Variants in CPQ observed in about 807,000 individuals in gnomAD.
The protein encoded by CPQ is Ser-Met dipeptidase.
In CPQ, 37 loss-of-function variants were observed where a neutral mutation model predicts 45.7. The observed-to-expected ratio is 0.81, with a 90% confidence interval of 0.62 to 1.07. The LOEUF (loss-of-function observed/expected upper bound fraction) is 1.07, where lower values mean the gene tolerates loss of function less well. Among genes scored for constraint, CPQ ranks in the 50% least tolerant of loss-of-function variants. The pLI is 0.00. For synonymous variants in CPQ, 186 were observed against 205.8 expected, an observed-to-expected ratio of 0.90 and a Z score of 0.82; for missense variants, 537 against 572.9, an observed-to-expected ratio of 0.94 and a Z score of 0.64.
chr8:96,955,782 C>A (rs1813346833), intron 4 of CPQ, among the ~76,000 whole-genome samples: 4 of 152,136 alleles, frequency 2.6e-5, no homozygotes, highest in Admixed American at 1.3e-4. Context: ...GAAAGGATTC[C>A]CTATTTAATG....
At chr8:96,868,719 T>C (rs957754242) in intron 3 of CPQ, among the ~76,000 whole-genome samples, 1 of 152,132 alleles carries the variant, frequency 6.6e-6, no homozygotes, top group South Asian at 2.1e-4. Context: ...ATATTTCCTC[T>C]ATTCCCTGTG....
chr8:96,678,863 A>G (rs1248640875), intron 1 of CPQ, among the ~76,000 whole-genome samples: 1 of 148,360 alleles, frequency 6.7e-6, no homozygotes, highest in African/African-American at 2.5e-5. Context: ...CTCATACTGC[A>G]GGTTGTCTCT....
chr8:96,778,023 C>T (rs1013398604), intron 1 of CPQ, among the ~76,000 whole-genome samples: 13 of 150,674 alleles, frequency 8.6e-5, no homozygotes, highest in Non-Finnish European at 1.8e-4. Context: ...CCACCGTGCC[C>T]GGCCAGGAAA....
At chr8:96,977,024 C>T (rs1386182378) in intron 5 of CPQ, among the ~76,000 whole-genome samples, 3 of 152,108 alleles carry the variant, frequency 2.0e-5, no homozygotes, top group Non-Finnish European at 4.4e-5. Context: ...TAAAAAGCTT[C>T]TGCACAACAA....
At chr8:96,648,421 C>CATTT (rs913209479) in intron 1 of CPQ, among the ~76,000 whole-genome samples, 7 of 152,194 alleles carry the variant, frequency 4.6e-5, no homozygotes, top group Non-Finnish European at 7.3e-5. Context: ...ACAAACAACC[C>CATTT]ATTCATGTGT....
chr8:96,728,760 A>G (rs1032774341), intron 1 of CPQ, among the ~76,000 whole-genome samples: 3 of 152,112 alleles, frequency 2.0e-5, no homozygotes, highest in African/African-American at 7.2e-5. Flanking sequence ...ATTATGGGTA[A>G]GGTCTGAGAT....
chr8:96,774,287 T>C (rs1810580307), intron 1 of CPQ, among the ~76,000 whole-genome samples: 1 of 149,780 alleles, frequency 6.7e-6, no homozygotes, highest in Non-Finnish European at 1.5e-5. Flanking sequence ...AAAAAAAAAG[T>C]TTCAACATGA....
chr8:97,141,122 T>C (rs1471458916), intron 7 of CPQ, among the ~76,000 whole-genome samples: 2 of 152,128 alleles, frequency 1.3e-5, no homozygotes, highest in South Asian at 2.1e-4. Context: ...ATCTTTGTAA[T>C]ATTAGGGTAA....
chr8:96,862,800 T>C (rs1381435535), intron 3 of CPQ, among the ~76,000 whole-genome samples: 1 of 152,074 alleles, frequency 6.6e-6, no homozygotes, highest in Non-Finnish European at 1.5e-5. Flanking sequence ...TATGTGACGA[T>C]GTTCTGGCCA....
intron 5 of CPQ, among the ~76,000 whole-genome samples, chr8:97,003,983 T>C (rs912890697): frequency 3.3e-5 from 5 of 152,196 alleles, no homozygotes; most frequent in Non-Finnish European, 7.4e-5. Context: ...ACCTTACAGA[T>C]GGAATTACAT....
intron 1 of CPQ, among the ~76,000 whole-genome samples, chr8:96,784,510 AC>A (rs1379851167): frequency 6.6e-6 from 1 of 151,984 alleles, no homozygotes; most frequent in Non-Finnish European, 1.5e-5. Context: ...GAGCAAGGAC[AC>A]CCATTTGGAT....
chr8:96,763,625 C>G (rs909949356), intron 1 of CPQ, among the ~76,000 whole-genome samples: 1 of 151,918 alleles, frequency 6.6e-6, no homozygotes, highest in South Asian at 2.1e-4. Flanking sequence ...ACATACACAT[C>G]TGCAAAAAGT....
At chr8:97,081,013 T>C (rs1810940723) in intron 7 of CPQ, among the ~76,000 whole-genome samples, 1 of 151,874 alleles carries the variant, frequency 6.6e-6, no homozygotes, top group Non-Finnish European at 1.5e-5. Flanking sequence ...AATAGTATCT[T>C]ATGTAGAAAC....
At chr8:96,793,977 G>A (rs1205009525) in intron 2 of CPQ, among the ~76,000 whole-genome samples, 1 of 152,074 alleles carries the variant, frequency 6.6e-6, no homozygotes, top group African/African-American at 2.4e-5. Flanking sequence ...ATCCTTCCAG[G>A]CTGCTTTCAT....
rs117513499 is a variant in CPQ at position 97,011,888 on chromosome 8, T to G, written c.962-17515T>G. On this transcript the variant is annotated intron_variant, in intron 5 of 7. Transcript: ENST00000220763. ...TATGCCATTACTCTCATCCAATCCTTTCCTTTATTAGCTTTCTTCCCTAGC... is the reference window on the plus strand; with the variant it reads ...TATGCCATTACTCTCATCCAATCCTGTCCTTTATTAGCTTTCTTCCCTAGC... Among the ~76,000 whole-genome samples, 19 of 152,084 alleles carry G rather than the reference T, an allele frequency of 1.2e-4. 1 individual carries two copies. The highest frequency in any genetic ancestry group is 4.6e-4 in the African/African-American group (19 of 41,396).
intron 4 of CPQ, among the ~76,000 whole-genome samples, chr8:96,888,942 C>T (rs1174205253): frequency 6.6e-6 from 1 of 152,152 alleles, no homozygotes; most frequent in South Asian, 2.1e-4. Context: ...ATGGGGTGGG[C>T]AGTATGCTCT....
intron 2 of CPQ, among the ~76,000 whole-genome samples, chr8:96,817,917 C>T (rs188557031): frequency 9.2e-5 from 14 of 152,168 alleles, no homozygotes; most frequent in Non-Finnish European, 2.1e-4. Context: ...ACCTAGCCAG[C>T]ACTCATAATT....
intron 5 of CPQ, among the ~76,000 whole-genome samples, chr8:96,982,592 C>T (rs1007954097): frequency 6.6e-6 from 1 of 152,210 alleles, no homozygotes; most frequent in Non-Finnish European, 1.5e-5. Flanking sequence ...ACCTTCCTGC[C>T]TTGACCTCCC....
intron 6 of CPQ, among the ~76,000 whole-genome samples, chr8:97,045,283 T>C (rs1358968194): frequency 6.6e-6 from 1 of 152,188 alleles, no homozygotes; most frequent in African/African-American, 2.4e-5. Flanking sequence ...GCATAGTACC[T>C]TCCAAGCCAT....
Sources: gnomAD v4.1 joint callset for allele counts (sites outside exome capture counted in the v4.1 genomes callset) on GRCh38, gnomAD v4.1.1 for gene constraint, MANE v1.5 for transcripts, NCBI Gene and HGNC (gene_info 2026-07-23, HGNC 2026-07-21) for gene names.